Variants in CDK6 observed in about 807,000 individuals in gnomAD.
CDK6 encodes the protein cyclin dependent kinase 6, also known as cyclin-dependent kinase 6.
A neutral mutation model predicts 37.1 loss-of-function variants in CDK6; 6 were observed. The observed-to-expected ratio is 0.16, with a 90% CI of 0.09 to 0.32. The LOEUF is 0.32. Ranked by LOEUF, CDK6 falls within the 10% of genes least tolerant of loss-of-function variation. CDK6 has a pLI of 1.00. For synonymous variants in CDK6, 160 were observed against 161.3 expected, an observed-to-expected ratio of 0.99 and a Z score of 0.06; for missense variants, 224 against 418.9, an observed-to-expected ratio of 0.53 and a Z score of 4.06.
At chr7:92,748,266 T>C (rs1799106876) in intron 3 of CDK6, among the ~76,000 whole-genome samples, 1 of 152,176 alleles carries the variant, frequency 6.6e-6, no homozygotes. Flanking sequence ...AAAAAAGGCA[T>C]TTTATAGTCA....
At chr7:92,685,958 C>T (rs1283155749) in intron 4 of CDK6, among the ~76,000 whole-genome samples, 1 of 152,132 alleles carries the variant, frequency 6.6e-6, no homozygotes, top group South Asian at 2.1e-4. Context: ...TCTATAAAGC[C>T]ACTCTCCTTT....
chr7:92,779,374 T>C (rs117283115), intron 2 of CDK6, among the ~76,000 whole-genome samples: 332 of 152,316 alleles, frequency 2.2e-3, no homozygotes, highest in Middle Eastern at 0.017. Flanking sequence ...TTTTAAAACA[T>C]GGAATTTTAA....
intron 4 of CDK6, among the ~76,000 whole-genome samples, chr7:92,674,719 T>A (rs951002945): frequency 1.3e-5 from 2 of 152,246 alleles, no homozygotes; most frequent in African/African-American, 4.8e-5. Context: ...ACAGATATCA[T>A]GAAGGCACAC....
chr7:92,788,354 A>C (rs1800196201), intron 2 of CDK6, among the ~76,000 whole-genome samples: 1 of 152,216 alleles, frequency 6.6e-6, no homozygotes, highest in East Asian at 1.9e-4. Flanking sequence ...CCACAGGAAC[A>C]CCTCATATAC....
intron 2 of CDK6, among the ~76,000 whole-genome samples, chr7:92,789,413 T>C (rs1800225544): frequency 6.6e-6 from 1 of 152,186 alleles, no homozygotes; most frequent in East Asian, 1.9e-4. Context: ...ACTTTTAAAA[T>C]ATGATTTAAA....
At position 92,771,057 on chromosome 7, in the gene CDK6, T is replaced by C. The variant is rs932384275; in HGVS notation, c.369+3639A>G. Among the ~76,000 whole-genome samples, 3 of 151,760 alleles carry C rather than the reference T, an allele frequency of 2.0e-5. No individual in the cohort carries two copies. In the East Asian group the frequency reaches 5.8e-4, roughly 29 times the overall value. ...TTCGAGACCAGCCTGACTAACATGGTGAAACCCAGTCTCTACTAAAAATAC... is the reference window on the plus strand; with the variant it reads ...TTCGAGACCAGCCTGACTAACATGGCGAAACCCAGTCTCTACTAAAAATAC... On this transcript the variant is annotated intron_variant, in intron 3 of 7. Transcript: ENST00000424848.
In CDK6 at chr7:92,623,048, C is replaced by A; in HGVS notation, c.686G>T (p.Gly229Val). ...AATTATTACTTACTCCAAGATTTTTCCTAGTTGATCAACATCTGAACTTCC... is the reference window on the plus strand; with the variant it reads ...AATTATTACTTACTCCAAGATTTTTACTAGTTGATCAACATCTGAACTTCC... Reference protein sequence around the residue: ...FRGSSDVDQLGKILDVIGLPG... With the variant: ...FRGSSDVDQLVKILDVIGLPG... The change falls in exon 6 of 8, where the codon GGA (glycine) becomes GTA (valine). Residue 229 changes from glycine to valine, a missense_variant. Physicochemically the swap from Gly to Val is moderately radical, Grantham distance 109. Around this residue, in one of 5 missense-constraint regions of CDK6, gnomAD observed 90 missense variants for 136.2 expected, o/e 0.66. Coordinates refer to ENST00000424848, the MANE Select transcript of CDK6 (RefSeq NM_001145306.2). The A allele has an allele frequency of 6.3e-7, 1 of 1,583,258 alleles. No homozygotes were observed. Among genetic ancestry groups the A allele is most frequent in the East Asian group, 2.3e-5 (1 of 44,302 alleles).
rs1795605058 is a variant in CDK6, at chr7:92,613,483, T to A, written c.*1657A>T. Reference sequence around the variant, plus strand: ...TAGAGCCAACTGAGCACTAAACCACTTATAAGGCAGAGATGGTATGAAATA... The same window carrying A: ...TAGAGCCAACTGAGCACTAAACCACATATAAGGCAGAGATGGTATGAAATA... On this transcript the variant is annotated 3_prime_UTR_variant, in exon 8 of 8. Coordinates refer to ENST00000424848, the MANE Select transcript of CDK6 (RefSeq NM_001145306.2). 4.3e-6 allele frequency: 1 copy of A among 233,474 alleles called. No individual in the cohort carries two copies. The highest frequency in any genetic ancestry group is 8.5e-6 in the Non-Finnish European group (1 of 118,032). 14.5% of individuals were successfully genotyped at this position (233,474 alleles called of 1,614,324 possible). A position where few individuals can be genotyped will look rare whatever the true frequency, so the allele number is the denominator to read the frequency against.
intron 3 of CDK6, among the ~76,000 whole-genome samples, chr7:92,773,339 T>A (rs35410875): frequency 6.6e-6 from 1 of 152,066 alleles, no homozygotes; most frequent in African/African-American, 2.4e-5. Flanking sequence ...GATAGCCTGG[T>A]GAGAAGGAGC....
intron 5 of CDK6, among the ~76,000 whole-genome samples, chr7:92,660,926 G>A (rs911942633): frequency 3.9e-5 from 6 of 152,280 alleles, no homozygotes; most frequent in African/African-American, 1.4e-4. Flanking sequence ...TGGCCCTGGA[G>A]CCCATCTGAG....
In CDK6 at chr7:92,614,882, C is replaced by T. The variant is rs1795639390; in HGVS notation, c.*258G>A. On this transcript the variant is annotated 3_prime_UTR_variant, in exon 8 of 8. Coordinates refer to ENST00000424848, the MANE Select transcript of CDK6 (RefSeq NM_001145306.2). ...GCACAATTGGTCAGCAGCTTCTCTT[C>T]TTCTGGAATTTTTCCAGGTTCTTGA... The T allele has an allele frequency of 2.4e-6, 1 of 417,154 alleles. No homozygotes were observed. The highest frequency in any genetic ancestry group is 2.0e-5 in the African/African-American group (1 of 51,144). 25.8% of individuals were successfully genotyped at this position (417,154 alleles called of 1,614,324 possible).
rs1795458413 is a variant in CDK6 at position 92,607,653 on chromosome 7, T to C, written c.*7487A>G. On this transcript the variant is annotated 3_prime_UTR_variant, in exon 8 of 8. Transcript: ENST00000424848. The stretch of plus-strand genomic sequence containing the variant: ...CAGTTGTACTTTCACAGGACTAGTG[T>C]GATTCAGAAATAAATAACATACATG... 1 of 232,732 alleles carries C rather than the reference T, an allele frequency of 4.3e-6. No homozygotes were observed. The highest frequency in any genetic ancestry group is 8.5e-6 in the Non-Finnish European group (1 of 117,886). The allele number at this position is 232,732 out of a possible 1,614,324, so 14.4% of individuals were successfully genotyped here. A position where few individuals can be genotyped will look rare whatever the true frequency, so the allele number is the denominator to read the frequency against.
intron 2 of CDK6, among the ~76,000 whole-genome samples, chr7:92,825,729 G>T (rs1180227118): frequency 2.6e-5 from 4 of 151,856 alleles, no homozygotes; most frequent in African/African-American, 9.7e-5. Context: ...AAAATTAATG[G>T]GAAAAATAAA....
chr7:92,737,388 ATC>A (rs1237989907), intron 3 of CDK6, among the ~76,000 whole-genome samples: 4 of 152,224 alleles, frequency 2.6e-5, no homozygotes, highest in African/African-American at 4.8e-5. Context: ...CTTAGAAATT[ATC>A]TGTTATTATT....
chr7:92,701,332 ATTCAC>A (rs1179179999), intron 4 of CDK6, among the ~76,000 whole-genome samples: 3 of 152,202 alleles, frequency 2.0e-5, no homozygotes, highest in Non-Finnish European at 4.4e-5. Flanking sequence ...TCAAAGGTTT[ATTCAC>A]TTGATTAAAA....
intron 5 of CDK6, among the ~76,000 whole-genome samples, chr7:92,670,912 A>G (rs1213098127): frequency 2.6e-5 from 4 of 152,184 alleles, no homozygotes; most frequent in Non-Finnish European, 5.9e-5. Context: ...TAGTACCTGA[A>G]TATATCTAAT....
In CDK6 at chr7:92,605,175, T is replaced by C. The variant is rs1467035656; in HGVS notation, c.*9965A>G. 3 of 233,210 alleles carry C rather than the reference T, an allele frequency of 1.3e-5. No homozygotes were observed. The highest frequency in any genetic ancestry group is 2.5e-5 in the Non-Finnish European group (3 of 117,870). 14.4% of individuals were successfully genotyped at this position (233,210 alleles called of 1,614,324 possible). A position where few individuals can be genotyped will look rare whatever the true frequency, so the allele number is the denominator to read the frequency against. On this transcript the variant is annotated 3_prime_UTR_variant, in exon 8 of 8. Coordinates refer to ENST00000424848, the MANE Select transcript of CDK6 (RefSeq NM_001145306.2). ...CATAAGTGAACACATTGGACAGTGA[T>C]ATTTCAACACCAATTTTGAAAAAAA...
In CDK6 at chr7:92,622,291, C is replaced by T. The variant is rs574867820; in HGVS notation, c.698+745G>A. 3.9e-5 allele frequency among the ~76,000 whole-genome samples: 6 copies of T among 152,036 alleles called. No individual in the cohort carries two copies. The South Asian group carries it at 6.2e-4, about 16-fold the overall frequency. ...TGAAACTATGTAAATCATCAAGGAG[C>T]GATGTAACTGAAACCAAAGAATTTG... On this transcript the variant is annotated intron_variant, in intron 6 of 7. Coordinates refer to ENST00000424848, the MANE Select transcript of CDK6 (RefSeq NM_001145306.2).
intron 3 of CDK6, among the ~76,000 whole-genome samples, chr7:92,749,284 G>A (rs921106339): frequency 6.6e-6 from 1 of 151,628 alleles, no homozygotes; most frequent in Non-Finnish European, 1.5e-5. Flanking sequence ...AAATTAGCCT[G>A]GGCAACATAG....
Sources: gnomAD v4.1 joint callset for allele counts (sites outside exome capture counted in the v4.1 genomes callset) on GRCh38, gnomAD v4.1.1 for gene constraint, gnomAD v4.1.1 regional missense constraint, MANE v1.5 for transcripts, NCBI Gene and HGNC (gene_info 2026-07-23, HGNC 2026-07-21) for gene names.